RSBN1: variants seen among roughly 807,000 people sequenced by gnomAD.
RSBN1 encodes the protein round spermatid basic protein 1.
RSBN1 carries 23 observed loss-of-function variants against 74.8 expected under a neutral mutation model. That is an observed-to-expected ratio of 0.31 (90% CI 0.22 to 0.44). The LOEUF is 0.44. RSBN1 is among the 20% of genes least tolerant of loss of function. The probability of loss-of-function intolerance (pLI) is 1.00; values close to 1 mark genes in which losing one functional copy is unlikely to be tolerated. For missense variants in RSBN1, 808 were observed against 1,020.9 expected, an observed-to-expected ratio of 0.79 and a Z score of 2.84; for synonymous variants, 407 against 379.6, an observed-to-expected ratio of 1.07 and a Z score of -0.84.
intron 4 of RSBN1, among the ~76,000 whole-genome samples, chr1:113,772,522 G>A (rs759517255): frequency 6.6e-5 from 10 of 152,116 alleles, no homozygotes; most frequent in African/African-American, 2.2e-4. Flanking sequence ...AAGTCTTGCT[G>A]TATTATTTTA....
intron 1 of RSBN1, among the ~76,000 whole-genome samples, chr1:113,807,016 A>G (rs1283439340): frequency 6.6e-6 from 1 of 151,560 alleles, no homozygotes; most frequent in East Asian, 1.9e-4. Flanking sequence ...CTCCCCAAAA[A>G]AACAAAAACA....
chr1:113,780,950 CG>C (rs1660127985), intron 2 of RSBN1, among the ~76,000 whole-genome samples: 1 of 152,186 alleles, frequency 6.6e-6, no homozygotes, highest in African/African-American at 2.4e-5. Flanking sequence ...CTGTGACCTA[CG>C]TTTTTTTCTC....
intron 3 of RSBN1, 72 bp from the exon 4 acceptor site, chr1:113,777,424 T>C: frequency 6.8e-7 from 1 of 1,463,496 alleles, no homozygotes; most frequent in Non-Finnish European, 9.3e-7. Flanking sequence ...CCCACCCAAA[T>C]AAAAGTTCTA....
At chr1:113,790,516 G>A (rs1208754098) in intron 2 of RSBN1, among the ~76,000 whole-genome samples, 1 of 152,128 alleles carries the variant, frequency 6.6e-6, no homozygotes, top group Admixed American at 6.6e-5. Flanking sequence ...TACAGATAAA[G>A]TTTAAATAGT....
intron 1 of RSBN1, among the ~76,000 whole-genome samples, chr1:113,802,990 G>A (rs1660617339): frequency 6.6e-6 from 1 of 152,114 alleles, no homozygotes; most frequent in Admixed American, 6.5e-5. Context: ...AAAATGCTCT[G>A]TGCTCTGCCT....
chr1:113,811,434 C>A (rs919377937), intron 1 of RSBN1, among the ~76,000 whole-genome samples: 4 of 152,150 alleles, frequency 2.6e-5, no homozygotes, highest in South Asian at 2.1e-4. Flanking sequence ...TCTAACGCGG[C>A]GCGGAAACCT....
intron 4 of RSBN1, among the ~76,000 whole-genome samples, chr1:113,776,854 T>C (rs1571297820): frequency 6.7e-6 from 1 of 149,694 alleles, no homozygotes; most frequent in East Asian, 2.0e-4. Context: ...CAAAGAGTTA[T>C]GATAGACTAT....
intron 2 of RSBN1, among the ~76,000 whole-genome samples, chr1:113,786,711 C>T (rs965075438): frequency 1.1e-4 from 16 of 152,158 alleles, no homozygotes; most frequent in African/African-American, 3.6e-4. Flanking sequence ...TGGCACACAC[C>T]TGTAATCCCA....
intron 2 of RSBN1, among the ~76,000 whole-genome samples, chr1:113,792,966 C>T (rs1205759240): frequency 1.3e-5 from 2 of 152,182 alleles, no homozygotes; most frequent in East Asian, 3.8e-4. Context: ...GGTATTAGAA[C>T]ATTTGAGTTT....
At chr1:113,771,132 G>GA (rs1659878444) in intron 4 of RSBN1, among the ~76,000 whole-genome samples, 1 of 151,804 alleles carries the variant, frequency 6.6e-6, no homozygotes, top group African/African-American at 2.4e-5. Flanking sequence ...TTGCAGACAA[G>GA]AAAAAAATAG....
chr1:113,783,276 G>GA (rs912472871), intron 2 of RSBN1, among the ~76,000 whole-genome samples: 7 of 147,226 alleles, frequency 4.8e-5, no homozygotes, highest in East Asian at 2.2e-4. Flanking sequence ...CTGGCAAAAA[G>GA]AAAAAAAAGG....
At position 113,763,415 on chromosome 1, in the gene RSBN1, C is replaced by T. The variant is rs1169850259; in HGVS notation, c.*2565G>A. On this transcript the variant is annotated 3_prime_UTR_variant, in exon 7 of 7. Transcript: ENST00000261441. ...ATCACTACTTTAACAAATCAGAAGACGCCAGATTGCTCCATGCCTCACTCC... is the reference window on the plus strand; with the variant it reads ...ATCACTACTTTAACAAATCAGAAGATGCCAGATTGCTCCATGCCTCACTCC... 6.5e-5 allele frequency: 10 copies of T among 152,748 alleles called. No individual in the cohort carries two copies. The highest frequency in any genetic ancestry group is 6.2e-4 in the South Asian group (3 of 4,820). 9.5% of individuals were successfully genotyped at this position (152,748 alleles called of 1,614,324 possible). A position where few individuals can be genotyped will look rare whatever the true frequency, so the allele number is the denominator to read the frequency against.
intron 4 of RSBN1, among the ~76,000 whole-genome samples, chr1:113,772,948 A>G (rs1240316440): frequency 1.3e-5 from 2 of 152,210 alleles, no homozygotes; most frequent in African/African-American, 2.4e-5. Flanking sequence ...GTATTTTATA[A>G]CACTGAATAA....
Position 113,805,367 on chromosome 1 carries a change from C to T in RSBN1, c.703+6343G>A, listed in dbSNP as rs117236892. ...GTCTGGGAATACAGGCATGAGCCACCGCGCCCGGCCTGTCCTATGTTTTTA... is the reference window on the plus strand; with the variant it reads ...GTCTGGGAATACAGGCATGAGCCACTGCGCCCGGCCTGTCCTATGTTTTTA... On this transcript the variant is annotated intron_variant, in intron 1 of 6. Transcript: ENST00000261441. Among the ~76,000 whole-genome samples, 28 of 152,142 alleles carry T rather than the reference C, an allele frequency of 1.8e-4. No homozygotes were observed. In the East Asian group the frequency reaches 4.6e-3, roughly 25 times the overall value.
rs528700218 is a variant in RSBN1 at position 113,787,951 on chromosome 1, G to A, written c.1377+9412C>T. Among the ~76,000 whole-genome samples the A allele has an allele frequency of 4.0e-5, 6 of 151,872 alleles. No individual in the cohort carries two copies. The South Asian group carries it at 1.0e-3, about 26-fold the overall frequency. ...ACCATGTTTGATGAAAACATAACCA[G>A]AAGACTAAAATAAAAATAAAAAAGA... On this transcript the variant is annotated intron_variant, in intron 2 of 6. Transcript: ENST00000261441.
At chr1:113,802,979 T>C (rs1406933991) in intron 1 of RSBN1, among the ~76,000 whole-genome samples, 1 of 152,214 alleles carries the variant, frequency 6.6e-6, no homozygotes, top group Non-Finnish European at 1.5e-5. Flanking sequence ...CACTGTCCTA[T>C]AAAATGCTCT....
chr1:113,797,626 C>T lies in RSBN1; in HGVS notation c.1114G>A (p.Val372Ile), dbSNP rs1391032567. 6.2e-7 allele frequency: 1 copy of T among 1,613,894 alleles called. No homozygotes were observed. The highest frequency in any genetic ancestry group is 8.5e-7 in the Non-Finnish European group (1 of 1,179,996). The change falls in exon 2 of 7, where the codon GTC (valine) becomes ATC (isoleucine). Residue 372 changes from valine to isoleucine, a missense_variant. Coordinates refer to ENST00000261441, the MANE Select transcript of RSBN1 (RefSeq NM_018364.5). ...AGTTCATCCATGTAAGCATGAAGGACAAGAGCACCACCATTGGACTGGTGT... is the reference window on the plus strand; with the variant it reads ...AGTTCATCCATGTAAGCATGAAGGATAAGAGCACCACCATTGGACTGGTGT... ...EEHQSNGGAL[V>I]LHAYMDELSF...
At chr1:113,809,084 C>A (rs6537798) in intron 1 of RSBN1, among the ~76,000 whole-genome samples, 84,524 of 151,554 alleles carry the variant, frequency 0.56, 24,267 homozygotes, top group South Asian at 0.65. Flanking sequence ...TTCCAAAAAT[C>A]TGAGGATAAG....
At position 113,765,796 on chromosome 1, in the gene RSBN1, A is replaced by T. The variant is rs928522027; in HGVS notation, c.*184T>A. The T allele has an allele frequency of 1.0e-5, 6 of 596,912 alleles. No individual in the cohort carries two copies. Among genetic ancestry groups the T allele is most frequent in the Non-Finnish European group, 1.5e-5 (5 of 338,642 alleles). The allele number at this position is 596,912 out of a possible 1,614,324, so 37.0% of individuals were successfully genotyped here. ...TTACATACTGTACTAACGGGATAAGATACAACTCTTAACTTTGCATAATCT... is the reference window on the plus strand; with the variant it reads ...TTACATACTGTACTAACGGGATAAGTTACAACTCTTAACTTTGCATAATCT... On this transcript the variant is annotated 3_prime_UTR_variant, in exon 7 of 7. Transcript: ENST00000261441.
Sources: allele counts gnomAD v4.1 joint callset (sites outside exome capture counted in the v4.1 genomes callset), GRCh38; gene constraint gnomAD v4.1.1; transcripts MANE v1.5; gene names NCBI Gene and HGNC (gene_info 2026-07-23, HGNC 2026-07-21).